The following ARHGEF28 variants were observed in gnomAD, a reference collection of about 807,000 sequenced individuals.
ARHGEF28 encodes the protein 190 kDa guanine nucleotide exchange factor.
Under a neutral mutation model 206.6 loss-of-function variants are expected in ARHGEF28, and 152 were observed. The observed-to-expected ratio is 0.74, with a 90% CI of 0.64 to 0.84. ARHGEF28 has a LOEUF of 0.84. ARHGEF28 is among the 40% of genes least tolerant of loss of function. The pLI, the probability that ARHGEF28 is intolerant of heterozygous loss-of-function variation, is 0.00. For missense variants in ARHGEF28, 2,028 were observed against 2,073.2 expected, an observed-to-expected ratio of 0.98 and a Z score of 0.42; for synonymous variants, 763 against 776.4, an observed-to-expected ratio of 0.98 and a Z score of 0.29.
chr5:73,776,924 G>A (rs1753577615), intron 6 of ARHGEF28, among the ~76,000 whole-genome samples: 1 of 152,040 alleles, frequency 6.6e-6, no homozygotes, highest in African/African-American at 2.4e-5. Flanking sequence ...CTTTTCCATA[G>A]TTGGGTTTTA....
chr5:73,633,492 A>G (rs1743500449), intron 1 of ARHGEF28, among the ~76,000 whole-genome samples: 1 of 152,096 alleles, frequency 6.6e-6, no homozygotes, highest in Non-Finnish European at 1.5e-5. Flanking sequence ...GATTGTAAAA[A>G]GGACTCAATA....
chr5:73,911,789 G>T, intron 35 of ARHGEF28: 1 of 534,912 alleles, frequency 1.9e-6, no homozygotes, highest in Non-Finnish European at 3.3e-6. Context: ...ATGGTCATAG[G>T]GCTTAGAGAA....
intron 2 of ARHGEF28, among the ~76,000 whole-genome samples, chr5:73,711,222 G>C (rs1279570236): frequency 6.6e-6 from 1 of 152,064 alleles, no homozygotes; most frequent in Non-Finnish European, 1.5e-5. Flanking sequence ...GTATTATACT[G>C]TATTAATTCT....
chr5:73,939,227 G>A (rs768355742), intron 35 of ARHGEF28, among the ~76,000 whole-genome samples: 13 of 152,154 alleles, frequency 8.5e-5, no homozygotes, highest in Non-Finnish European at 1.8e-4. Context: ...TAAATTGTGG[G>A]TTTTAGCATT....
intron 2 of ARHGEF28, among the ~76,000 whole-genome samples, chr5:73,705,250 C>T (rs1171842669): frequency 6.6e-6 from 1 of 152,072 alleles, no homozygotes; most frequent in Non-Finnish European, 1.5e-5. Flanking sequence ...GGCAAGCAAC[C>T]CAACCACTGA....
intron 34 of ARHGEF28, 85 bp from the exon 35 acceptor site, chr5:73,911,190 C>T (rs1187550987): frequency 1.5e-6 from 2 of 1,304,874 alleles, no homozygotes; most frequent in African/African-American, 1.5e-5. Context: ...ATCTTGATTC[C>T]TAAGATTCTC....
intron 4 of ARHGEF28, among the ~76,000 whole-genome samples, chr5:73,760,459 A>G (rs1185123933): frequency 6.6e-6 from 1 of 152,134 alleles, no homozygotes; most frequent in African/African-American, 2.4e-5. Flanking sequence ...ATAGTATCTA[A>G]TGGGACAAAC....
rs568727100 is a variant in ARHGEF28 at position 73,671,215 on chromosome 5, A to G, written c.-11-13626A>G. Among the ~76,000 whole-genome samples, 3 of 152,328 alleles carry G rather than the reference A, an allele frequency of 2.0e-5. No individual in the cohort carries two copies. The East Asian group carries it at 5.8e-4, about 29-fold the overall frequency. Reference sequence around the variant, plus strand: ...ACTCTAGGGAGAGTTACCCTCCCTCATCAAAGTAAAAAGTGGGAAACCCTG... The same window carrying G: ...ACTCTAGGGAGAGTTACCCTCCCTCGTCAAAGTAAAAAGTGGGAAACCCTG... On this transcript the variant is annotated intron_variant, in intron 1 of 35. Coordinates refer to ENST00000513042, the MANE Select transcript of ARHGEF28 (RefSeq NM_001177693.2).
At chr5:73,813,673 G>A (rs1379785192) in intron 9 of ARHGEF28, 1 of 1,535,562 alleles carries the variant, frequency 6.5e-7, no homozygotes, top group South Asian at 1.2e-5. Flanking sequence ...GTCCAAACAA[G>A]GTAGATTGCA....
At chr5:73,686,210 TA>T (rs770729145) in intron 2 of ARHGEF28, among the ~76,000 whole-genome samples, 4 of 151,798 alleles carry the variant, frequency 2.6e-5, no homozygotes, top group Non-Finnish European at 4.4e-5. Flanking sequence ...GATTAAAGAT[TA>T]AAAAAAAGGC....
At chr5:73,664,081 CT>C (rs1477119670) in intron 1 of ARHGEF28, among the ~76,000 whole-genome samples, 3 of 152,340 alleles carry the variant, frequency 2.0e-5, no homozygotes, top group East Asian at 3.9e-4. Context: ...AAAGCCCTGT[CT>C]TTTCCTGAAC....
intron 1 of ARHGEF28, among the ~76,000 whole-genome samples, chr5:73,673,568 C>T (rs959439518): frequency 1.3e-5 from 2 of 152,030 alleles, no homozygotes; most frequent in Non-Finnish European, 2.9e-5. Flanking sequence ...CCTCCTGGCC[C>T]CAATTACCAG....
chr5:73,732,896 T>C (rs1481210446), intron 2 of ARHGEF28, among the ~76,000 whole-genome samples: 2 of 152,240 alleles, frequency 1.3e-5, no homozygotes, highest in Non-Finnish European at 2.9e-5. Flanking sequence ...TTCTAGTTAA[T>C]TAACTTTGAG....
At chr5:73,692,622 G>A (rs537287796) in intron 2 of ARHGEF28, among the ~76,000 whole-genome samples, 1 of 152,268 alleles carries the variant, frequency 6.6e-6, no homozygotes, top group South Asian at 2.1e-4. Flanking sequence ...ATCCTATTCA[G>A]CCTTTTCTAA....
chr5:73,633,176 C>T (rs972749075), intron 1 of ARHGEF28, among the ~76,000 whole-genome samples: 1 of 152,104 alleles, frequency 6.6e-6, no homozygotes, highest in African/African-American at 2.4e-5. Flanking sequence ...GTAAAGTGAA[C>T]GATGGGGAGC....
chr5:73,869,222 T>TGGGGGGG (rs67692648), intron 20 of ARHGEF28, among the ~76,000 whole-genome samples: 20 of 99,038 alleles, frequency 2.0e-4, no homozygotes, highest in East Asian at 3.4e-4. Context: ...GTGTGTGGGG[T>TGGGGGGG]GGAGGGGGGT....
intron 13 of ARHGEF28, among the ~76,000 whole-genome samples, chr5:73,850,152 A>G (rs769124362): frequency 1.3e-5 from 2 of 151,112 alleles, no homozygotes; most frequent in Non-Finnish European, 2.9e-5. Context: ...TGAAACAGCT[A>G]TCCTAGAATA....
intron 29 of ARHGEF28, 58 bp from the exon 30 acceptor site, chr5:73,897,904 G>A (rs1223590125): frequency 6.6e-7 from 1 of 1,517,428 alleles, no homozygotes; most frequent in Non-Finnish European, 8.9e-7. Context: ...TCCTGGTCTA[G>A]ATTAAATATA....
At position 73,840,481 on chromosome 5, in the gene ARHGEF28, T is replaced by C; in HGVS notation, c.1148T>C (p.Val383Ala). The C allele has an allele frequency of 6.2e-7, 1 of 1,610,188 alleles. No individual in the cohort carries two copies. Among genetic ancestry groups the C allele is most frequent in the East Asian group, 2.2e-5 (1 of 44,810 alleles). ...AAATGTTTTTCTTTCAACTTCCAGGTTGGTGATTTGGATATCAGCTATATT... is the reference window on the plus strand; with the variant it reads ...AAATGTTTTTCTTTCAACTTCCAGGCTGGTGATTTGGATATCAGCTATATT... ...VYANCMVIDQVGDLDISYINI... is the reference protein window; with the variant it reads ...VYANCMVIDQAGDLDISYINI... The change falls in exon 11 of 36, where the codon GTT becomes GCT. Residue 383 changes from valine (V) to alanine (A), a missense_variant and splice_region_variant. Transcript: ENST00000513042.
Sources: allele counts gnomAD v4.1 joint callset (sites outside exome capture counted in the v4.1 genomes callset), GRCh38; gene constraint gnomAD v4.1.1; transcripts MANE v1.5; gene names NCBI Gene and HGNC (gene_info 2026-07-23, HGNC 2026-07-21).